The following TRMT11 variants were observed in gnomAD, a reference collection of about 807,000 sequenced individuals.
TRMT11 encodes the protein tRNA (guanine(10)-N(2))-methyltransferase TRMT11.
Under a neutral mutation model 62.8 loss-of-function variants are expected in TRMT11, and 53 were observed. The ratio of observed to expected loss-of-function variants is 0.84; its 90% confidence interval spans 0.68 to 1.06. The LOEUF is 1.06. Among genes scored for constraint, TRMT11 ranks in the 50% least tolerant of loss-of-function variants. The pLI is 0.00. For synonymous variants in TRMT11, 188 were observed against 190.3 expected, an observed-to-expected ratio of 0.99 and a Z score of 0.10; for missense variants, 556 against 553.4, an observed-to-expected ratio of 1.00 and a Z score of -0.05.
At chr6:126,246,938 G>A in the TRMT11 span, among the ~76,000 whole-genome samples, 467 of 152,252 alleles carry the variant, frequency 3.1e-3, no homozygotes, top group African/African-American at 0.011. Context: ...AAGCAGGAGC[G>A]CAGCCTACAA....
At chr6:126,090,236 T>C (rs893975553) in intron 17 of TRMT11, among the ~76,000 whole-genome samples, 2 of 152,238 alleles carry the variant, frequency 1.3e-5, no homozygotes, top group Non-Finnish European at 2.9e-5. Context: ...GTCTGTCTGA[T>C]GAAGAGTGAA....
chr6:126,028,105 C>A, intron 12 of TRMT11, among the ~76,000 whole-genome samples: 1 of 152,052 alleles, frequency 6.6e-6, no homozygotes, highest in South Asian at 2.1e-4. Flanking sequence ...GTTTTTCTTT[C>A]ACAGCTATTT....
At chr6:126,205,464 A>G (rs1192429964), downstream of TRMT11, among the ~76,000 whole-genome samples, 2 of 152,246 alleles carry the variant, frequency 1.3e-5, no homozygotes, top group Non-Finnish European at 2.9e-5. Context: ...AGCTCGTGCC[A>G]CTGCATTCTA....
intron 17 of TRMT11, among the ~76,000 whole-genome samples, chr6:126,092,273 T>C (rs1211722672): frequency 6.6e-6 from 1 of 151,270 alleles, no homozygotes; most frequent in East Asian, 1.9e-4. Context: ...CAAGAATGGG[T>C]AATTTATAAA....
intron 2 of TRMT11, among the ~76,000 whole-genome samples, chr6:125,994,180 A>G (rs557964533): frequency 1.3e-5 from 2 of 152,342 alleles, no homozygotes; most frequent in East Asian, 3.8e-4. Context: ...TGTGCATTGT[A>G]TAAGACTGAA....
chr6:126,001,816 C>T (rs1362305701), intron 7 of TRMT11, among the ~76,000 whole-genome samples: 1 of 151,964 alleles, frequency 6.6e-6, no homozygotes, highest in Non-Finnish European at 1.5e-5. Context: ...AGTTACAAGT[C>T]GACATTCATT....
At chr6:126,258,229 G>A in the TRMT11 span, 255 of 638,416 alleles carry the variant, frequency 4.0e-4, 2 homozygotes, top group African/African-American at 3.8e-3. Context: ...GGCCCTTATC[G>A]TCTGTGCCGC....
intron 1 of TRMT11, among the ~76,000 whole-genome samples, chr6:126,183,660 G>A (rs997981088): frequency 2.6e-5 from 4 of 152,104 alleles, no homozygotes; most frequent in African/African-American, 9.7e-5. Flanking sequence ...GAGATCCTGT[G>A]ATCTGCAGAG....
chr6:126,145,909 T>C (rs1777969245), intron 21 of TRMT11, among the ~76,000 whole-genome samples: 2 of 152,214 alleles, frequency 1.3e-5, no homozygotes, highest in South Asian at 2.1e-4. Context: ...ATTTTAAAAA[T>C]AAATCTCCAG....
At chr6:126,058,483 G>A (rs1206115632) in intron 17 of TRMT11, among the ~76,000 whole-genome samples, 1 of 152,110 alleles carries the variant, frequency 6.6e-6, no homozygotes, top group Non-Finnish European at 1.5e-5. Context: ...TAATGGGATG[G>A]CTGGGTCAAA....
chr6:126,052,999 G>T (rs1284922222), intron 16 of TRMT11, among the ~76,000 whole-genome samples: 1 of 152,160 alleles, frequency 6.6e-6, no homozygotes, highest in African/African-American at 2.4e-5. Context: ...TCTGCTAGGG[G>T]TAAATGGCCC....
At chr6:126,040,472 G>A (rs1775843124), downstream of TRMT11, among the ~76,000 whole-genome samples, 1 of 152,080 alleles carries the variant, frequency 6.6e-6, no homozygotes, top group African/African-American at 2.4e-5. Flanking sequence ...TTTGGTTTTA[G>A]AGCATAGGTC....
Position 126,008,300 on chromosome 6 carries a change from C to T in TRMT11, c.680-92C>T, listed in dbSNP as rs1793665157. The T allele has an allele frequency of 4.8e-6, 5 of 1,036,774 alleles. No homozygotes were observed. In the Admixed American group the frequency reaches 5.1e-5, roughly 11 times the overall value. The allele number at this position is 1,036,774 out of a possible 1,614,324, so 64.2% of individuals were successfully genotyped here. A position where few individuals can be genotyped will look rare whatever the true frequency, so the allele number is the denominator to read the frequency against. On this transcript the variant is annotated intron_variant, in intron 7 of 12. Transcript: ENST00000334379. ...ATGTCATTCCAGGATACTCTGCCTG[C>T]AGCTAGTTTCTAAGACTGGATGAAG...
At chr6:126,034,825 AG>A (rs1774866992) in intron 12 of TRMT11, among the ~76,000 whole-genome samples, 1 of 152,074 alleles carries the variant, frequency 6.6e-6, no homozygotes, top group Non-Finnish European at 1.5e-5. Context: ...GTGTTTGCTG[AG>A]GATACTCTTC....
At chr6:126,258,032 G>T in the TRMT11 span, 1 of 1,388,916 alleles carries the variant, frequency 7.2e-7, no homozygotes, top group Non-Finnish European at 1.0e-6. Context: ...CCTCGACCCT[G>T]GCAGCCTGGG....
intron 17 of TRMT11, among the ~76,000 whole-genome samples, chr6:126,081,362 T>C (rs1416905638): frequency 6.6e-6 from 1 of 152,322 alleles, no homozygotes; most frequent in East Asian, 1.9e-4. Context: ...AATTCTTTCT[T>C]CTATTATACA....
the TRMT11 span, chr6:126,257,990 C>T: frequency 6.5e-7 from 1 of 1,547,950 alleles, no homozygotes; most frequent in South Asian, 1.1e-5. Flanking sequence ...GGATGAAGGC[C>T]TCGGTGGGTT....
At chr6:126,259,809 A>T in the TRMT11 span, among the ~76,000 whole-genome samples, 254 of 152,276 alleles carry the variant, frequency 1.7e-3, no homozygotes, top group Admixed American at 3.7e-3. Flanking sequence ...TGATCTCCTT[A>T]TCATTAAAGA....
chr6:126,229,166 A>G, the TRMT11 span, among the ~76,000 whole-genome samples: 1 of 152,176 alleles, frequency 6.6e-6, no homozygotes, highest in Admixed American at 6.5e-5. Flanking sequence ...ATATTTTGAC[A>G]TTTTAAACAG....
Sources: gnomAD v4.1 joint callset for allele counts (sites outside exome capture counted in the v4.1 genomes callset) on GRCh38, gnomAD v4.1.1 for gene constraint, MANE v1.5 for transcripts, NCBI Gene and HGNC (gene_info 2026-07-23, HGNC 2026-07-21) for gene names.